CARMIL1: variants seen among roughly 807,000 people sequenced by gnomAD.
CARMIL1 encodes F-actin-uncapping protein LRRC16A.
CARMIL1 carries 90 observed loss-of-function variants against 177.1 expected under a neutral mutation model. The ratio of observed to expected loss-of-function variants is 0.51; its 90% confidence interval spans 0.43 to 0.61. CARMIL1 has a LOEUF of 0.61. Ranked by LOEUF, CARMIL1 falls within the 20% of genes least tolerant of loss-of-function variation. CARMIL1 has a pLI of 0.00. For missense variants in CARMIL1, 1,380 were observed against 1,667.0 expected, an observed-to-expected ratio of 0.83 and a Z score of 3.00; for synonymous variants, 577 against 606.2, an observed-to-expected ratio of 0.95 and a Z score of 0.71.
At chr6:25,450,119 G>A (rs543305793) in intron 6 of CARMIL1, 124 bp downstream of exon 6, 95 of 846,324 alleles carry the variant, frequency 1.1e-4, no homozygotes, top group South Asian at 8.4e-4. Flanking sequence ...AATTAGCAGC[G>A]CACAGACTTT....
intron 29 of CARMIL1, among the ~76,000 whole-genome samples, chr6:25,562,321 C>T (rs1163283992): frequency 6.6e-6 from 1 of 151,692 alleles, no homozygotes; most frequent in East Asian, 1.9e-4. Context: ...GATCTCGGCT[C>T]ACTGCAGACT....
chr6:25,431,015 C>CT (rs535437399), intron 4 of CARMIL1, among the ~76,000 whole-genome samples: 151 of 151,374 alleles, frequency 1.0e-3, no homozygotes, highest in African/African-American at 3.2e-3. Flanking sequence ...TTTCAAACAA[C>CT]TTTTTTTTTA....
chr6:25,449,455 C>A (rs555503315), intron 5 of CARMIL1, among the ~76,000 whole-genome samples: 2 of 152,220 alleles, frequency 1.3e-5, no homozygotes, highest in South Asian at 4.2e-4. Flanking sequence ...GAAGAGGTAG[C>A]AAAAGGAACA....
intron 2 of CARMIL1, among the ~76,000 whole-genome samples, chr6:25,339,836 G>A (rs1329082881): frequency 6.6e-6 from 1 of 152,088 alleles, no homozygotes; most frequent in African/African-American, 2.4e-5. Context: ...GTGCCATTGG[G>A]GCCTTTATAA....
chr6:25,521,726 T>C (rs559775323), intron 23 of CARMIL1, among the ~76,000 whole-genome samples: 1 of 145,292 alleles, frequency 6.9e-6, no homozygotes, highest in South Asian at 2.2e-4. Flanking sequence ...CTGAGATCCA[T>C]GCCACTGCAC....
Position 25,550,249 on chromosome 6 carries a change from A to G in CARMIL1, c.2329-661A>G, listed in dbSNP as rs143295868. ...TGTGCAGAAACATTTTTCAAACTCTAAAGTGCTATATGAATGTCTTTTGAG... is the reference window on the plus strand; with the variant it reads ...TGTGCAGAAACATTTTTCAAACTCTGAAGTGCTATATGAATGTCTTTTGAG... On this transcript the variant is annotated intron_variant, in intron 26 of 36. Coordinates refer to ENST00000329474, the MANE Select transcript of CARMIL1 (RefSeq NM_017640.6). Among the ~76,000 whole-genome samples the G allele has an allele frequency of 1.1e-3, 167 of 152,332 alleles. 2 individuals carry two copies. Among genetic ancestry groups the G allele is most frequent in the South Asian group, 1.9e-3 (9 of 4,822 alleles).
At chr6:25,602,698 T>G (rs3804111) in intron 33 of CARMIL1, among the ~76,000 whole-genome samples, 61,464 of 152,004 alleles carry the variant, frequency 0.4, 12,776 homozygotes, top group Non-Finnish European at 0.46. Context: ...TTTAGAACAT[T>G]TTTTTTCTAA....
At chr6:25,448,611 C>T (rs1011922979) in intron 5 of CARMIL1, among the ~76,000 whole-genome samples, 4 of 152,186 alleles carry the variant, frequency 2.6e-5, no homozygotes, top group African/African-American at 9.7e-5. Context: ...AAGCTAAGTG[C>T]CCCTTCTTTG....
chr6:25,305,400 T>G (rs572266758), intron 2 of CARMIL1, among the ~76,000 whole-genome samples: 2 of 152,254 alleles, frequency 1.3e-5, no homozygotes, highest in Non-Finnish European at 2.9e-5. Context: ...CCTTTCAGAG[T>G]CCTCCTTTCT....
chr6:25,281,128 G>GTACGCA (rs751093285), intron 1 of CARMIL1, among the ~76,000 whole-genome samples: 1,035 of 18,608 alleles, frequency 0.056, 38 homozygotes, highest in East Asian at 0.38. Flanking sequence ...ACGCGCGTGT[G>GTACGCA]CGCGCGCGCA....
chr6:25,351,571 G>T (rs1788103466), intron 2 of CARMIL1, among the ~76,000 whole-genome samples: 1 of 152,188 alleles, frequency 6.6e-6, no homozygotes, highest in Non-Finnish European at 1.5e-5. Flanking sequence ...TCACTTTACG[G>T]TTTTTGGTGC....
In CARMIL1 at chr6:25,515,791, G is replaced by C. The variant is rs749339402; in HGVS notation, c.1749G>C (p.Met583Ile). 2 of 1,611,742 alleles carry C rather than the reference G, an allele frequency of 1.2e-6. No homozygotes were observed. The highest frequency in any genetic ancestry group is 1.7e-6 in the Non-Finnish European group (2 of 1,179,068). The change falls in exon 21 of 37, where the codon ATG (methionine) becomes ATC (isoleucine). Residue 583 changes from methionine to isoleucine, a missense_variant. Transcript: ENST00000329474. This position sits in a 1 kb window ranked among gnomAD's most constrained non-coding sequence, Gnocchi z 5.0. ...LTKVDISGNG[M>I]GDMGAKMLAK... is the part of the protein sequence containing the mutation. The stretch of plus-strand genomic sequence containing the variant: ...AAGTGGACATTAGCGGCAACGGAAT[G>C]GGGGACATGGGAGCGAAGATGCTGG...
intron 2 of CARMIL1, among the ~76,000 whole-genome samples, chr6:25,360,712 A>G (rs1206725104): frequency 6.6e-6 from 1 of 152,204 alleles, no homozygotes; most frequent in Non-Finnish European, 1.5e-5. Flanking sequence ...AGTAACAGGG[A>G]CATATTGGGA....
intron 2 of CARMIL1, among the ~76,000 whole-genome samples, chr6:25,385,167 T>C (rs922453536): frequency 1.3e-5 from 2 of 152,174 alleles, no homozygotes; most frequent in Non-Finnish European, 2.9e-5. Context: ...ATCTAAGGCA[T>C]CCAGTTCACA....
chr6:25,591,919 C>G (rs1031452134), intron 31 of CARMIL1, among the ~76,000 whole-genome samples: 2 of 152,220 alleles, frequency 1.3e-5, no homozygotes, highest in African/African-American at 2.4e-5. Context: ...GCCTCCATCT[C>G]TGAAACCCAT....
chr6:25,586,815 G>A (rs1411166498), intron 31 of CARMIL1, among the ~76,000 whole-genome samples: 2 of 152,076 alleles, frequency 1.3e-5, no homozygotes, highest in African/African-American at 4.8e-5. Context: ...CCAGTCAGGC[G>A]TGGCGGCGCG....
chr6:25,320,845 A>G (rs1478990809), intron 2 of CARMIL1, among the ~76,000 whole-genome samples: 1 of 152,202 alleles, frequency 6.6e-6, no homozygotes, highest in Non-Finnish European at 1.5e-5. Context: ...AAGAAGAAGA[A>G]TTATCTTGGG....
chr6:25,459,276 TTTTTAAGACAGGG>T (rs1799916274), intron 8 of CARMIL1, among the ~76,000 whole-genome samples: 1 of 134,650 alleles, frequency 7.4e-6, no homozygotes, highest in African/African-American at 2.8e-5. Context: ...CTTTTTTTTT[TTTTTAAGACAGGG>T]TCTTGCTGTA....
rs556798815 is a variant in CARMIL1 at position 25,404,016 on chromosome 6, A to G, written c.139-16098A>G. Among the ~76,000 whole-genome samples the G allele has an allele frequency of 4.5e-4, 69 of 152,376 alleles. No individual in the cohort carries two copies. The Middle Eastern group carries it at 0.017, about 38-fold the overall frequency. On this transcript the variant is annotated intron_variant, in intron 2 of 36. Coordinates refer to ENST00000329474, the MANE Select transcript of CARMIL1 (RefSeq NM_017640.6). ...ATATTTAATGACAGTGTTTGTAAAC[A>G]AAGAGTGCTAATCTAATTGAAATTC...
Sources: allele counts gnomAD v4.1 joint callset (sites outside exome capture counted in the v4.1 genomes callset), GRCh38; gene constraint gnomAD v4.1.1; non-coding constraint Gnocchi (gnomAD v3.1); transcripts MANE v1.5; gene names NCBI Gene and HGNC (gene_info 2026-07-23, HGNC 2026-07-21).